VPS4B: variants seen among roughly 807,000 people sequenced by gnomAD.
VPS4B encodes the protein vacuolar protein sorting 4 homolog B, also known as vacuolar protein sorting-associated protein 4B.
Under a neutral mutation model 56.1 loss-of-function variants are expected in VPS4B, and 23 were observed. That is an observed-to-expected ratio of 0.41 (90% CI 0.30 to 0.58). The LOEUF is 0.58. Among genes scored for constraint, VPS4B ranks in the 20% least tolerant of loss-of-function variants. The pLI is 0.29. For synonymous variants in VPS4B, 177 were observed against 186.0 expected (o/e 0.95, Z 0.39); for missense variants, 372 against 531.9 (o/e 0.70, Z 2.96).
At chr18:63,397,770 G>T (rs1395958446) in intron 8 of VPS4B, among the ~76,000 whole-genome samples, 1 of 152,154 alleles carries the variant, frequency 6.6e-6, no homozygotes, top group Admixed American at 6.5e-5. Flanking sequence ...TGCTTTCTTA[G>T]AATTTCGGTA....
chr18:63,390,407 T>C lies in VPS4B; in HGVS notation c.*568A>G, dbSNP rs549229842. On this transcript the variant is annotated 3_prime_UTR_variant, in exon 11 of 11. Transcript: ENST00000238497. The stretch of plus-strand genomic sequence containing the variant: ...CGCTTTTAAAGAAATTATTTAAATC[T>C]ACACAGAAAAAAATATCAACTTATT... 8 of 152,794 alleles carry C rather than the reference T, an allele frequency of 5.2e-5. No individual in the cohort carries two copies. In the East Asian group the frequency reaches 1.2e-3, roughly 22 times the overall value. The allele number at this position is 152,794 out of a possible 1,614,324, so 9.5% of individuals were successfully genotyped here.
intron 1 of VPS4B, among the ~76,000 whole-genome samples, chr18:63,415,153 G>C (rs1232107923): frequency 1.3e-5 from 2 of 152,108 alleles, no homozygotes; most frequent in Non-Finnish European, 2.9e-5. Context: ...CCTTATTTCT[G>C]TTAACATTTT....
chr18:63,414,733 C>G (rs1039213766), intron 1 of VPS4B, among the ~76,000 whole-genome samples: 6 of 152,206 alleles, frequency 3.9e-5, no homozygotes. Context: ...CCGTGCCTGG[C>G]CTAGAAATAA....
intron 8 of VPS4B, among the ~76,000 whole-genome samples, chr18:63,398,196 C>T (rs1915715538): frequency 9.5e-6 from 1 of 105,358 alleles, no homozygotes; most frequent in Admixed American, 9.7e-5. Context: ...TATATACACA[C>T]ACACACACAT....
In VPS4B at chr18:63,400,002, G is replaced by C. The variant is rs769616472; in HGVS notation, c.790+46C>G. 3.2e-6 allele frequency: 5 copies of C among 1,561,240 alleles called. No homozygotes were observed. In the African/African-American group the frequency reaches 5.5e-5, roughly 17 times the overall value. Reference sequence around the variant, plus strand: ...CCACTGCACTCCAGCCTGGGCGACAGAGTGAGACTCCGTCTCAAAAAGAAA... The same window carrying C: ...CCACTGCACTCCAGCCTGGGCGACACAGTGAGACTCCGTCTCAAAAAGAAA... On this transcript the variant is annotated intron_variant, in intron 7 of 10. Coordinates refer to ENST00000238497, the MANE Select transcript of VPS4B (RefSeq NM_004869.4).
chr18:63,406,701 G>A (rs1915924486), intron 4 of VPS4B, among the ~76,000 whole-genome samples: 1 of 152,178 alleles, frequency 6.6e-6, no homozygotes, highest in African/African-American at 2.4e-5. Flanking sequence ...AGATATATGA[G>A]GTAGTTTTTA....
intron 1 of VPS4B, chr18:63,415,722 C>T: frequency 4.1e-6 from 1 of 241,094 alleles, no homozygotes; most frequent in Non-Finnish European, 9.0e-6. Flanking sequence ...CTGCGAGGAG[C>T]TGATGGAGCT....
At chr18:63,413,274 T>C (rs1304163383) in intron 1 of VPS4B, among the ~76,000 whole-genome samples, 1 of 152,224 alleles carries the variant, frequency 6.6e-6, no homozygotes, top group African/African-American at 2.4e-5. Flanking sequence ...TCTCAGTATT[T>C]CTTACAACTG....
rs1359052795 is a variant in VPS4B, at chr18:63,390,890, C to T, written c.*85G>A. On this transcript the variant is annotated 3_prime_UTR_variant, in exon 11 of 11. Coordinates refer to ENST00000238497, the MANE Select transcript of VPS4B (RefSeq NM_004869.4). Reference sequence around the variant, plus strand: ...ATTTCCCTGTGGTAAAAGAGTTTTACTGGAAACAATTAATGCGATCCAAAT... The same window carrying T: ...ATTTCCCTGTGGTAAAAGAGTTTTATTGGAAACAATTAATGCGATCCAAAT... 3.3e-6 allele frequency: 3 copies of T among 920,448 alleles called. No individual in the cohort carries two copies. The highest frequency in any genetic ancestry group is 1.7e-5 in the African/African-American group (1 of 59,492). The allele number at this position is 920,448 out of a possible 1,614,324, so 57.0% of individuals were successfully genotyped here. A position where few individuals can be genotyped will look rare whatever the true frequency, so the allele number is the denominator to read the frequency against.
intron 8 of VPS4B, among the ~76,000 whole-genome samples, chr18:63,398,219 ATATATT>A (rs200894833): frequency 1.3e-3 from 147 of 115,214 alleles, no homozygotes; most frequent in African/African-American, 2.4e-3. Context: ...ATATATATAT[ATATATT>A]TTTTTTTGAG....
At chr18:63,402,838 C>G (rs1915841300) in intron 5 of VPS4B, among the ~76,000 whole-genome samples, 1 of 152,172 alleles carries the variant, frequency 6.6e-6, no homozygotes, top group African/African-American at 2.4e-5. Context: ...GCTTTTTGCT[C>G]TTCATCACTG....
intron 4 of VPS4B, chr18:63,404,541 C>G (rs527586650): frequency 2.1e-4 from 32 of 152,284 alleles, no homozygotes; most frequent in African/African-American, 7.2e-4. Context: ...GCAGTATATT[C>G]AAAAGCCAAA....
At chr18:63,416,731 C>A (rs1282485638) in intron 1 of VPS4B, among the ~76,000 whole-genome samples, 1 of 152,138 alleles carries the variant, frequency 6.6e-6, no homozygotes, top group Non-Finnish European at 1.5e-5. Flanking sequence ...TGGTTCTCCC[C>A]GAACCCTAGA....
rs1169883302 is a variant in VPS4B at position 63,390,033 on chromosome 18, A to G, written c.*942T>C. ...GAAAGGTATCAGTTAATTAAATATA[A>G]AAGCTTACCGTTTTTGTTTTTTTTT... On this transcript the variant is annotated 3_prime_UTR_variant, in exon 11 of 11. Coordinates refer to ENST00000238497, the MANE Select transcript of VPS4B (RefSeq NM_004869.4). 6.6e-6 allele frequency: 1 copy of G among 152,580 alleles called. No individual in the cohort carries two copies. Among genetic ancestry groups the G allele is most frequent in the East Asian group, 1.9e-4 (1 of 5,200 alleles). The allele number at this position is 152,580 out of a possible 1,614,324, so 9.5% of individuals were successfully genotyped here. A position where few individuals can be genotyped will look rare whatever the true frequency, so the allele number is the denominator to read the frequency against.
At chr18:63,394,777 C>T (rs977526071) in intron 9 of VPS4B, among the ~76,000 whole-genome samples, 6 of 152,128 alleles carry the variant, frequency 3.9e-5, no homozygotes, top group Non-Finnish European at 7.4e-5. Flanking sequence ...CTTGGGGGCA[C>T]TTTCACATCT....
chr18:63,407,340 A>T (rs181905285), intron 4 of VPS4B, 92 bp downstream of exon 4: 12 of 1,116,056 alleles, frequency 1.1e-5, no homozygotes, highest in African/African-American at 1.6e-5. Context: ...CTTCATTTAA[A>T]TATAGAGGGA....
At chr18:63,393,610 C>T (rs1915604829) in intron 9 of VPS4B, 61 bp from the exon 10 acceptor site, 2 of 1,381,694 alleles carry the variant, frequency 1.4e-6, no homozygotes, top group Admixed American at 2.7e-5. Context: ...AAGACTTAAT[C>T]CATTACCAGG....
Position 63,392,992 on chromosome 18 carries a change from C to T in VPS4B, c.1233+417G>A, listed in dbSNP as rs541339934. 4.6e-5 allele frequency among the ~76,000 whole-genome samples: 7 copies of T among 152,202 alleles called. No individual in the cohort carries two copies. In the South Asian group the frequency reaches 6.2e-4, roughly 14 times the overall value. ...AACTCCTGGCCTCAAGTGGTCTGCC[C>T]GCCTTGGCCTCCCAAAGTGCTGGGA... On this transcript the variant is annotated intron_variant, in intron 10 of 10. Coordinates refer to ENST00000238497, the MANE Select transcript of VPS4B (RefSeq NM_004869.4).
intron 2 of VPS4B, 101 bp from the exon 3 acceptor site, chr18:63,410,547 T>G: frequency 7.0e-7 from 1 of 1,435,344 alleles, no homozygotes; most frequent in South Asian, 1.2e-5. Flanking sequence ...AATTCTATGT[T>G]GGAAGAAGGA....
Sources: gnomAD v4.1 joint callset for allele counts (sites outside exome capture counted in the v4.1 genomes callset) on GRCh38, gnomAD v4.1.1 for gene constraint, MANE v1.5 for transcripts, NCBI Gene and HGNC (gene_info 2026-07-23, HGNC 2026-07-21) for gene names.